Variants in MAGI2 observed in about 807,000 individuals in gnomAD.
MAGI2 encodes the protein membrane-associated guanylate kinase, WW and PDZ domain-containing protein 2.
A neutral mutation model predicts 133.3 loss-of-function variants in MAGI2; 35 were observed. The ratio of observed to expected loss-of-function variants is 0.26; its 90% confidence interval spans 0.20 to 0.35. The LOEUF (loss-of-function observed/expected upper bound fraction) is 0.35. Among genes scored for constraint, MAGI2 ranks in the 10% least tolerant of loss-of-function variants. The probability of loss-of-function intolerance (pLI) is 1.00; values close to 1 mark genes in which losing one functional copy is unlikely to be tolerated. For synonymous variants in MAGI2, 729 were observed against 710.6 expected, an observed-to-expected ratio of 1.03 and a Z score of -0.41; for missense variants, 1,636 against 1,863.4, an observed-to-expected ratio of 0.88 and a Z score of 2.25.
chr7:78,898,917 ATAC>A (rs1243185029), intron 2 of MAGI2, among the ~76,000 whole-genome samples: 1 of 152,138 alleles, frequency 6.6e-6, no homozygotes, highest in Non-Finnish European at 1.5e-5. Flanking sequence ...TATGGTGGAA[ATAC>A]TACATAATAA....
chr7:78,695,587 T>C (rs146653081), intron 2 of MAGI2, among the ~76,000 whole-genome samples: 163 of 152,324 alleles, frequency 1.1e-3, no homozygotes, highest in African/African-American at 3.1e-3. Context: ...GTCATCCTTC[T>C]ATGCAAGAGT....
chr7:78,392,596 C>T (rs1428496511), intron 6 of MAGI2, among the ~76,000 whole-genome samples: 1 of 152,088 alleles, frequency 6.6e-6, no homozygotes, highest in African/African-American at 2.4e-5. Context: ...AACATAATTG[C>T]TACATTTTAG....
In MAGI2 at chr7:78,829,526, A is replaced by T. The variant is rs77599968; in HGVS notation, c.418+177564T>A. On this transcript the variant is annotated intron_variant, in intron 2 of 21. Coordinates refer to ENST00000354212, the MANE Select transcript of MAGI2 (RefSeq NM_012301.4). ...CAATTCCATAAACTATTGATTATTC[A>T]TCAATTTATATATGTATACTAAATG... Among the ~76,000 whole-genome samples the T allele has an allele frequency of 4.2e-3, 635 of 152,182 alleles. 7 individuals carry two copies. Among genetic ancestry groups the T allele is most frequent in the African/African-American group, 0.015 (606 of 41,548 alleles).
intron 2 of MAGI2, among the ~76,000 whole-genome samples, chr7:78,643,809 C>T (rs575901800): frequency 4.6e-5 from 7 of 151,982 alleles, no homozygotes; most frequent in African/African-American, 1.7e-4. Flanking sequence ...TATCATTTGA[C>T]GGCTGACTGG....
chr7:79,236,475 T>C (rs946537006), intron 1 of MAGI2, among the ~76,000 whole-genome samples: 1 of 152,184 alleles, frequency 6.6e-6, no homozygotes, highest in Non-Finnish European at 1.5e-5. Context: ...AAGATTCAAA[T>C]ACAATCAAAT....
intron 2 of MAGI2, among the ~76,000 whole-genome samples, chr7:78,854,568 AATT>A (rs557908074): frequency 2.6e-5 from 4 of 152,084 alleles, no homozygotes; most frequent in Non-Finnish European, 4.4e-5. Context: ...CAGCCGTTAT[AATT>A]ATGAGTGATT....
At chr7:79,061,824 A>G (rs1813773255) in intron 1 of MAGI2, among the ~76,000 whole-genome samples, 1 of 152,126 alleles carries the variant, frequency 6.6e-6, no homozygotes, top group African/African-American at 2.4e-5. Context: ...GAAGTCACAG[A>G]TAGAAGGGGT....
chr7:78,209,416 C>G (rs1297703240), intron 10 of MAGI2, among the ~76,000 whole-genome samples: 2 of 150,346 alleles, frequency 1.3e-5, no homozygotes, highest in Admixed American at 1.3e-4. Context: ...CGTGCACCAT[C>G]ACGCCCCACT....
chr7:78,047,206 T>A (rs960572979), intron 21 of MAGI2, among the ~76,000 whole-genome samples: 10 of 152,196 alleles, frequency 6.6e-5, no homozygotes, highest in African/African-American at 2.2e-4. Flanking sequence ...TGATTTAGAT[T>A]ATTCACAAAT....
At position 78,048,303 on chromosome 7, in the gene MAGI2, C is replaced by T. The variant is rs77294626; in HGVS notation, c.3707-28327G>A. Among the ~76,000 whole-genome samples, 14 of 152,204 alleles carry T rather than the reference C, an allele frequency of 9.2e-5. No homozygotes were observed. The East Asian group carries it at 1.9e-3, about 21-fold the overall frequency. On this transcript the variant is annotated intron_variant, in intron 21 of 21. Transcript: ENST00000354212. ...TGAAGGGATAGTGTCTTAGGAAGAACGCTCCAGTGGAGAAAACAGTGACTC... is the reference window on the plus strand; with the variant it reads ...TGAAGGGATAGTGTCTTAGGAAGAATGCTCCAGTGGAGAAAACAGTGACTC...
At chr7:78,296,977 A>G (rs374801920) in intron 9 of MAGI2, among the ~76,000 whole-genome samples, 77 of 152,312 alleles carry the variant, frequency 5.1e-4, no homozygotes, top group African/African-American at 1.7e-3. Flanking sequence ...AAAAGCACAA[A>G]ACACTATGAA....
At chr7:78,206,394 C>T (rs548813710) in intron 10 of MAGI2, among the ~76,000 whole-genome samples, 5 of 151,094 alleles carry the variant, frequency 3.3e-5, no homozygotes, top group East Asian at 3.9e-4. Context: ...CGGGTTCCAG[C>T]GATTCTCTTG....
At chr7:78,201,246 T>C in intron 10 of MAGI2, 53 bp from the exon 11 acceptor site, 27 of 842,498 alleles carry the variant, frequency 3.2e-5, no homozygotes, top group Non-Finnish European at 4.8e-5. Context: ...GACTGCCACT[T>C]ATGGGTGGCA....
chr7:79,326,781 A>G (rs1234259243), intron 1 of MAGI2, among the ~76,000 whole-genome samples: 2 of 152,114 alleles, frequency 1.3e-5, no homozygotes, highest in Non-Finnish European at 2.9e-5. Context: ...AAATGGAGCA[A>G]CTGAGAATTT....
intron 1 of MAGI2, among the ~76,000 whole-genome samples, chr7:79,424,008 T>C (rs1442567842): frequency 2.0e-5 from 3 of 152,084 alleles, no homozygotes; most frequent in African/African-American, 7.2e-5. Context: ...GTTCCAGGCA[T>C]TGGGAATGCC....
chr7:78,712,000 T>C (rs1293667313), intron 2 of MAGI2, among the ~76,000 whole-genome samples: 1 of 152,206 alleles, frequency 6.6e-6, no homozygotes. Context: ...AGAAATTGCA[T>C]GTTTGAGTTT....
At chr7:79,223,755 G>C (rs1435166018) in intron 1 of MAGI2, among the ~76,000 whole-genome samples, 1 of 152,006 alleles carries the variant, frequency 6.6e-6, no homozygotes. Flanking sequence ...ACAAAAAGAA[G>C]TAGCTCTGGT....
chr7:79,167,346 TCACCTTTTTC>T (rs1825035455), intron 1 of MAGI2, among the ~76,000 whole-genome samples: 1 of 139,476 alleles, frequency 7.2e-6, no homozygotes, highest in Non-Finnish European at 1.5e-5. Flanking sequence ...CTGAAAACAG[TCACCTTTTTC>T]CTTCTTAATA....
intron 2 of MAGI2, among the ~76,000 whole-genome samples, chr7:78,646,698 T>C (rs1466169683): frequency 1.3e-5 from 2 of 152,232 alleles, no homozygotes; most frequent in Non-Finnish European, 2.9e-5. Context: ...AGAAAGATTG[T>C]TGAACTTAGC....
Sources: gnomAD v4.1 joint callset for allele counts (sites outside exome capture counted in the v4.1 genomes callset) on GRCh38, gnomAD v4.1.1 for gene constraint, MANE v1.5 for transcripts, NCBI Gene and HGNC (gene_info 2026-07-23, HGNC 2026-07-21) for gene names.